TRPM8: variants seen among roughly 807,000 people sequenced by gnomAD.
TRPM8 encodes transient receptor potential cation channel subfamily M member 8.
TRPM8 carries 110 observed loss-of-function variants against 133.7 expected under a neutral mutation model. The ratio of observed to expected loss-of-function variants is 0.82; its 90% confidence interval spans 0.70 to 0.96. TRPM8 has a LOEUF of 0.96. Ranked by LOEUF, TRPM8 falls within the 40% of genes least tolerant of loss-of-function variation. The pLI is 0.00. For synonymous variants in TRPM8, 535 were observed against 532.3 expected (o/e 1.01, Z -0.07); for missense variants, 1,291 against 1,379.5 (o/e 0.94, Z 1.02).
At chr2:233,950,260 C>T (rs776275207) in intron 9 of TRPM8, 114 bp downstream of exon 9, 67 of 1,101,344 alleles carry the variant, frequency 6.1e-5, no homozygotes, top group East Asian at 2.6e-4. Flanking sequence ...GTATTTTCTC[C>T]GTGCCTTTGA....
intron 5 of TRPM8, among the ~76,000 whole-genome samples, chr2:233,942,082 TTTTTTTTTTC>T (rs1383168608): frequency 1.1e-4 from 16 of 143,194 alleles, no homozygotes; most frequent in African/African-American, 4.6e-4. Context: ...TTTTTTTTTT[TTTTTTTTTTC>T]TTTTTGAGAT....
At chr2:233,965,820 G>A (rs1368977604) in intron 14 of TRPM8, among the ~76,000 whole-genome samples, 1 of 151,502 alleles carries the variant, frequency 6.6e-6, no homozygotes, top group Non-Finnish European at 1.5e-5. Flanking sequence ...TGAAATGTAA[G>A]CACACACTAA....
At chr2:233,991,357 G>C (rs1251328548) in intron 21 of TRPM8, among the ~76,000 whole-genome samples, 1 of 152,158 alleles carries the variant, frequency 6.6e-6, no homozygotes, top group African/African-American at 2.4e-5. Context: ...ACTGCTGGCT[G>C]TTGTTGGCTT....
rs781562773 is a variant in TRPM8, at chr2:233,942,765, A to G, written c.699+17A>G. 2 of 1,613,492 alleles carry G rather than the reference A, an allele frequency of 1.2e-6. No homozygotes were observed. The highest frequency in any genetic ancestry group is 2.7e-5 in the African/African-American group (2 of 74,910). ...GATGCTGAGGTACCGGTGGGACAGGAGGAGGTCTGCTAGGTCACATGGAAG... is the reference window on the plus strand; with the variant it reads ...GATGCTGAGGTACCGGTGGGACAGGGGGAGGTCTGCTAGGTCACATGGAAG... On this transcript the variant is annotated intron_variant, in intron 6 of 25. Transcript: ENST00000324695.
intron 11 of TRPM8, among the ~76,000 whole-genome samples, chr2:233,956,857 A>C (rs1322679487): frequency 6.6e-6 from 1 of 152,132 alleles, no homozygotes; most frequent in African/African-American, 2.4e-5. Flanking sequence ...AACTATAAGT[A>C]GGTCCAGTCA....
chr2:233,964,608 T>G lies in TRPM8; in HGVS notation c.1750-20T>G, dbSNP rs1468575825. On this transcript the variant is annotated intron_variant, in intron 13 of 25. Coordinates refer to ENST00000324695, the MANE Select transcript of TRPM8 (RefSeq NM_024080.5). ...GGAAAAAAAAGAATTAACCTTAAAATTCTTCACCCCCCTAAAAAGACCAGG... is the reference window on the plus strand; with the variant it reads ...GGAAAAAAAAGAATTAACCTTAAAAGTCTTCACCCCCCTAAAAAGACCAGG... 7.2e-7 allele frequency: 1 copy of G among 1,380,448 alleles called. No homozygotes were observed. Among genetic ancestry groups the G allele is most frequent in the Non-Finnish European group, 9.5e-7 (1 of 1,050,782 alleles). The allele number at this position is 1,380,448 out of a possible 1,614,324, so 85.5% of individuals were successfully genotyped here.
rs150424704 is a variant in TRPM8 at position 233,939,106 on chromosome 2, A to G, written c.457A>G (p.Lys153Glu). The stretch of plus-strand genomic sequence containing the variant: ...GGTCATTTCTGTGACCGGGGGCGCC[A>G]AGAACTTCGCCCTGAAGCCGCGCAT... ...NLVISVTGGA[K>E]NFALKPRMRK... Residue 153 changes from lysine to glutamate, a missense_variant, in exon 5 of 26, where the codon AAG becomes GAG. Coordinates refer to ENST00000324695, the MANE Select transcript of TRPM8 (RefSeq NM_024080.5). 69 of 1,614,064 alleles carry G rather than the reference A, an allele frequency of 4.3e-5. No homozygotes were observed. Among genetic ancestry groups the G allele is most frequent in the Non-Finnish European group, 5.8e-5 (69 of 1,180,044 alleles).
At chr2:233,934,823 G>T (rs889827478) in intron 3 of TRPM8, among the ~76,000 whole-genome samples, 11 of 152,220 alleles carry the variant, frequency 7.2e-5, no homozygotes, top group African/African-American at 2.7e-4. Flanking sequence ...CATAAAATTT[G>T]CCCATAAAGC....
In TRPM8 at chr2:233,937,614, G is replaced by C. The variant is rs954872985; in HGVS notation, c.348+105G>C. The C allele has an allele frequency of 8.4e-6, 11 of 1,306,704 alleles. No individual in the cohort carries two copies. The Admixed American group carries it at 1.6e-4, about 19-fold the overall frequency. The allele number at this position is 1,306,704 out of a possible 1,614,324, so 80.9% of individuals were successfully genotyped here. A position where few individuals can be genotyped will look rare whatever the true frequency, so the allele number is the denominator to read the frequency against. On this transcript the variant is annotated intron_variant, in intron 4 of 25. Coordinates refer to ENST00000324695, the MANE Select transcript of TRPM8 (RefSeq NM_024080.5). The stretch of plus-strand genomic sequence containing the variant: ...TAATAGGATGGAGGCAGGAGAGATG[G>C]GTAGTAAACACCAAAAACGATTGCA...
intron 16 of TRPM8, 21 bp downstream of exon 16, chr2:233,969,828 T>G (rs200513035): frequency 5.1e-5 from 75 of 1,479,482 alleles, no homozygotes; most frequent in Non-Finnish European, 6.8e-5. Flanking sequence ...AGGCACATAA[T>G]CGTGTGTGAG....
At chr2:233,932,276 T>C (rs776113597) in intron 3 of TRPM8, among the ~76,000 whole-genome samples, 2 of 152,212 alleles carry the variant, frequency 1.3e-5, no homozygotes, top group Admixed American at 1.3e-4. Flanking sequence ...TCTTCACTAT[T>C]GGAGGCAAAA....
intron 24 of TRPM8, among the ~76,000 whole-genome samples, chr2:234,012,418 T>C (rs1383756335): frequency 6.6e-6 from 1 of 151,996 alleles, no homozygotes; most frequent in Non-Finnish European, 1.5e-5. Flanking sequence ...AGTGCTAGGA[T>C]TACAGGCATG....
intron 8 of TRPM8, among the ~76,000 whole-genome samples, chr2:233,948,199 T>C (rs1051692119): frequency 6.6e-4 from 100 of 152,374 alleles, no homozygotes; most frequent in African/African-American, 2.2e-3. Flanking sequence ...TATTCTTTTA[T>C]GTAACAATGG....
At position 233,983,089 on chromosome 2, in the gene TRPM8, G is replaced by A. The variant is rs1409819427; in HGVS notation, c.2626G>A (p.Val876Met). The change falls in exon 20 of 26, where the codon GTG (valine) becomes ATG (methionine). Residue 876 changes from valine (V) to methionine (M), a missense_variant. By Grantham distance (21) the Val-to-Met change is conservative. This residue lies in a region of TRPM8 where 328 missense variants were observed against 410.6 expected (regional missense o/e 0.80). Coordinates refer to ENST00000324695, the MANE Select transcript of TRPM8 (RefSeq NM_024080.5). Reference sequence around the variant, plus strand: ...GTTCTTCTTCCTGTTCCTCTTTGCGGTGTGGATGGTGGCCTTTGGCGTGGC... The same window carrying A: ...GTTCTTCTTCCTGTTCCTCTTTGCGATGTGGATGGTGGCCTTTGGCGTGGC... Reference protein sequence around the residue: ...DVFFFLFLFAVWMVAFGVARQ... With the variant: ...DVFFFLFLFAMWMVAFGVARQ... 3 of 1,614,168 alleles carry A rather than the reference G, an allele frequency of 1.9e-6. No homozygotes were observed. The highest frequency in any genetic ancestry group is 2.5e-6 in the Non-Finnish European group (3 of 1,180,002).
chr2:234,016,379 T>A (rs1264024941), intron 25 of TRPM8, among the ~76,000 whole-genome samples: 1 of 152,234 alleles, frequency 6.6e-6, no homozygotes, highest in African/African-American at 2.4e-5. Context: ...TTTTGAATGT[T>A]GTGTTTGTCA....
At chr2:233,960,466 A>C (rs1057478791) in intron 11 of TRPM8, among the ~76,000 whole-genome samples, 4 of 152,152 alleles carry the variant, frequency 2.6e-5, no homozygotes, top group African/African-American at 9.7e-5. Context: ...TTTTTGACCA[A>C]CATTATCTCT....
At chr2:233,930,568 A>T in intron 2 of TRPM8, 100 bp from the exon 3 acceptor site, 1 of 738,738 alleles carries the variant, frequency 1.4e-6, no homozygotes, top group Non-Finnish European at 2.2e-6. Context: ...TAAATTCTTA[A>T]AGCCTTTGAA....
intron 11 of TRPM8, among the ~76,000 whole-genome samples, chr2:233,957,013 A>G (rs994871344): frequency 6.6e-6 from 1 of 152,204 alleles, no homozygotes; most frequent in Non-Finnish European, 1.5e-5. Context: ...CACAATGGCT[A>G]AGGAAATGGA....
intron 19 of TRPM8, among the ~76,000 whole-genome samples, chr2:233,982,211 G>T (rs1692027512): frequency 6.6e-6 from 1 of 152,120 alleles, no homozygotes; most frequent in South Asian, 2.1e-4. Flanking sequence ...AAGAGTGTAG[G>T]CAGGGGAGGG....
Sources: allele counts gnomAD v4.1 joint callset (sites outside exome capture counted in the v4.1 genomes callset), GRCh38; gene constraint gnomAD v4.1.1; regional missense constraint gnomAD v4.1.1; transcripts MANE v1.5; gene names NCBI Gene and HGNC (gene_info 2026-07-23, HGNC 2026-07-21).